NUDC: variants seen among roughly 807,000 people sequenced by gnomAD.
NUDC encodes nuclear migration protein nudC.
Under a neutral mutation model 45.0 loss-of-function variants are expected in NUDC, and 14 were observed. The observed-to-expected ratio is 0.31, with a 90% CI of 0.21 to 0.49. The LOEUF (loss-of-function observed/expected upper bound fraction) is 0.49, where lower values mean the gene tolerates loss of function less well. Among genes scored for constraint, NUDC ranks in the 20% least tolerant of loss-of-function variants. The pLI, the probability that NUDC is intolerant of heterozygous loss-of-function variation, is 0.99. For synonymous variants in NUDC, 153 were observed against 156.7 expected, an observed-to-expected ratio of 0.98 and a Z score of 0.17; for missense variants, 323 against 426.2, an observed-to-expected ratio of 0.76 and a Z score of 2.13.
upstream of NUDC, among the ~76,000 whole-genome samples, chr1:26,919,463 G>T (rs1275510613): frequency 6.6e-6 from 1 of 152,178 alleles, no homozygotes; most frequent in African/African-American, 2.4e-5. Context: ...AGTCGGCCTG[G>T]ATCTGCTTCT....
intron 6 of NUDC, among the ~76,000 whole-genome samples, chr1:26,943,405 G>T (rs191018347): frequency 7.1e-6 from 1 of 140,464 alleles, no homozygotes; most frequent in Non-Finnish European, 1.5e-5. Context: ...TGTAGAGACC[G>T]GGGGGTCTCA....
At chr1:26,900,387 C>G (rs200926742) in exon 1 of NUDC, 3 of 1,613,776 alleles carry the variant, frequency 1.9e-6, no homozygotes, top group Non-Finnish European at 2.5e-6. Flanking sequence ...GGAGGGGATA[C>G]CGCTCACTAC....
At chr1:26,935,765 A>G (rs2082224426) in intron 2 of NUDC, among the ~76,000 whole-genome samples, 1 of 151,876 alleles carries the variant, frequency 6.6e-6, no homozygotes, top group Non-Finnish European at 1.5e-5. Context: ...TCCTAATTCA[A>G]GTAAGGTTCA....
intron 2 of NUDC, among the ~76,000 whole-genome samples, chr1:26,940,716 C>T (rs936347868): frequency 1.3e-5 from 2 of 152,098 alleles, no homozygotes; most frequent in East Asian, 1.9e-4. Context: ...GACAGAGTCT[C>T]GCTTTGTCAC....
upstream of NUDC, among the ~76,000 whole-genome samples, chr1:26,918,681 T>C (rs528308685): frequency 1.3e-5 from 2 of 151,706 alleles, no homozygotes; most frequent in Non-Finnish European, 2.9e-5. Flanking sequence ...TTCAAGAGAT[T>C]CTCCTGCCTC....
At chr1:26,921,426 T>TG (rs540157770), upstream of NUDC, among the ~76,000 whole-genome samples, 353 of 152,194 alleles carry the variant, frequency 2.3e-3, no homozygotes, top group African/African-American at 7.5e-3. Context: ...CTCTACAAGC[T>TG]GGGGGGGTCG....
chr1:26,904,100 T>G (rs545252577), intron 2 of NUDC, among the ~76,000 whole-genome samples: 1 of 139,328 alleles, frequency 7.2e-6, no homozygotes, highest in Non-Finnish European at 1.6e-5. Context: ...GTCTAATGAG[T>G]GAGAAATTGT....
chr1:26,914,835 C>T (rs1168190177), intron 3 of NUDC, among the ~76,000 whole-genome samples: 1 of 151,828 alleles, frequency 6.6e-6, no homozygotes, highest in Admixed American at 6.6e-5. Context: ...GGCATGGTGG[C>T]ATGTGCCTGT....
chr1:26,934,720 T>G (rs1243259658), intron 2 of NUDC, among the ~76,000 whole-genome samples: 1 of 139,032 alleles, frequency 7.2e-6, no homozygotes, highest in South Asian at 2.3e-4. Context: ...AGTGCAGTGG[T>G]GCAATCTGGG....
At position 26,946,301 on chromosome 1, in the gene NUDC, C is replaced by T. The variant is rs1293464726; in HGVS notation, c.*120C>T. ...GGGGCAGGCATGGGACTGGCCCAGG[C>T]ACACAGGTCCCGGGGCATCAGGAGA... On this transcript the variant is annotated 3_prime_UTR_variant, in exon 9 of 9. Coordinates refer to ENST00000321265, the MANE Select transcript of NUDC (RefSeq NM_006600.4). 6.9e-6 allele frequency: 6 copies of T among 864,140 alleles called. No homozygotes were observed. Among genetic ancestry groups the T allele is most frequent in the Non-Finnish European group, 1.2e-5 (6 of 505,566 alleles). 53.5% of individuals were successfully genotyped at this position (864,140 alleles called of 1,614,324 possible).
At chr1:26,940,055 T>C (rs537451469) in intron 2 of NUDC, among the ~76,000 whole-genome samples, 24 of 152,308 alleles carry the variant, frequency 1.6e-4, no homozygotes, top group Non-Finnish European at 2.1e-4. Context: ...AGTGGAAACC[T>C]CCTGGGAAGG....
chr1:26,942,060 G>A (rs374212076), intron 4 of NUDC, among the ~76,000 whole-genome samples: 3 of 152,130 alleles, frequency 2.0e-5, no homozygotes, highest in Admixed American at 6.6e-5. Context: ...TTGGGAGGCC[G>A]AGGTGGGTAA....
intron 2 of NUDC, among the ~76,000 whole-genome samples, chr1:26,934,937 G>A (rs970865082): frequency 7.9e-5 from 12 of 151,658 alleles, no homozygotes; most frequent in Admixed American, 3.9e-4. Context: ...GATTACAGGC[G>A]TGAACCACCG....
intron 6 of NUDC, 50 bp from the exon 7 acceptor site, chr1:26,945,340 C>G: frequency 6.7e-7 from 1 of 1,488,726 alleles, no homozygotes; most frequent in African/African-American, 1.4e-5. Flanking sequence ...GGGGTGATTC[C>G]TGGTGCACAG....
chr1:26,945,538 T>A (rs1433250116), intron 7 of NUDC, 30 bp from the exon 8 acceptor site: 1 of 1,612,158 alleles, frequency 6.2e-7, no homozygotes, highest in East Asian at 2.2e-5. Flanking sequence ...TTCCAGAGCT[T>A]CACCGATTCC....
Position 26,911,916 on chromosome 1 carries a change from G to A in NUDC, c.93+681G>A, listed in dbSNP as rs758335651. The A allele has an allele frequency of 1.9e-5, 31 of 1,614,078 alleles. No individual in the cohort carries two copies. The highest frequency in any genetic ancestry group is 2.5e-5 in the Non-Finnish European group (30 of 1,180,026). ...TCTCCAATGATAGGGCGAAAGAAGA[G>A]GTCCCCAAGCAGGCTGGTCGGAATG... On this transcript the variant is annotated intron_variant, in intron 3 of 6. Coordinates refer to the NUDC transcript ENST00000435827.
chr1:26,905,317 C>A (rs977641155), intron 2 of NUDC, among the ~76,000 whole-genome samples: 2 of 151,596 alleles, frequency 1.3e-5, no homozygotes, highest in African/African-American at 2.4e-5. Context: ...CCTGCCAACA[C>A]GCCTGGCTAA....
intron 3 of NUDC, chr1:26,911,777 G>C (rs1019619155): frequency 5.6e-6 from 9 of 1,605,886 alleles, no homozygotes; most frequent in Non-Finnish European, 7.7e-6. Context: ...GGTCACCTCT[G>C]GGGATGGCCA....
chr1:26,905,983 C>A (rs2082001135), intron 2 of NUDC, among the ~76,000 whole-genome samples: 2 of 152,008 alleles, frequency 1.3e-5, no homozygotes, highest in Admixed American at 1.3e-4. Flanking sequence ...CCCGCCTTTA[C>A]TAAAAAATAC....
Sources: allele counts gnomAD v4.1 joint callset (sites outside exome capture counted in the v4.1 genomes callset), GRCh38; gene constraint gnomAD v4.1.1; transcripts MANE v1.5; gene names NCBI Gene and HGNC (gene_info 2026-07-23, HGNC 2026-07-21).